The following AIM2 variants were observed in gnomAD, a reference collection of about 807,000 sequenced individuals.
AIM2 encodes absent in melanoma 2.
Under a neutral mutation model 27.7 loss-of-function variants are expected in AIM2, and 30 were observed. That is an observed-to-expected ratio of 1.08 (90% CI 0.81 to 1.47). The LOEUF (loss-of-function observed/expected upper bound fraction) is 1.47. AIM2 is among the 40% of genes most tolerant of loss of function. AIM2 has a pLI of 0.00. For missense variants in AIM2, 358 were observed against 411.3 expected (o/e 0.87, Z 1.12); for synonymous variants, 141 against 145.3 (o/e 0.97, Z 0.21).
intron 1 of AIM2, among the ~76,000 whole-genome samples, chr1:159,114,480 G>T (rs944824692): frequency 1.3e-5 from 2 of 152,156 alleles, no homozygotes; most frequent in African/African-American, 4.8e-5. Context: ...CAACACTTTG[G>T]GAGGCCAAGG....
At chr1:159,064,183 G>T (rs1025947471) in intron 4 of AIM2, among the ~76,000 whole-genome samples, 4 of 152,158 alleles carry the variant, frequency 2.6e-5, no homozygotes, top group African/African-American at 4.8e-5. Flanking sequence ...TCCCTACATT[G>T]TTCAAGGGAC....
intron 1 of AIM2, among the ~76,000 whole-genome samples, chr1:159,116,479 T>C (rs111762843): frequency 0.13 from 19,261 of 152,162 alleles, 1,507 homozygotes; most frequent in Non-Finnish European, 0.17. Flanking sequence ...GTGGCACATA[T>C]ACATCATGGA....
chr1:159,128,282 C>T (rs1647775176), intron 1 of AIM2, among the ~76,000 whole-genome samples: 2 of 151,790 alleles, frequency 1.3e-5, no homozygotes, highest in African/African-American at 4.8e-5. Context: ...CACACACACA[C>T]ACACACACCA....
intron 1 of AIM2, among the ~76,000 whole-genome samples, chr1:159,118,196 C>T (rs555837178): frequency 1.3e-5 from 2 of 152,326 alleles, no homozygotes; most frequent in Admixed American, 1.3e-4. Flanking sequence ...AAGGCTTACA[C>T]ACTGCATGTA....
intron 4 of AIM2, among the ~76,000 whole-genome samples, chr1:159,065,404 A>G (rs759922967): frequency 2.0e-5 from 3 of 152,058 alleles, no homozygotes; most frequent in Admixed American, 6.5e-5. Flanking sequence ...TTTTGACATT[A>G]AAGTTTACTT....
At chr1:159,112,906 C>T (rs1657606156) in intron 1 of AIM2, among the ~76,000 whole-genome samples, 1 of 150,472 alleles carries the variant, frequency 6.6e-6, no homozygotes, top group African/African-American at 2.5e-5. Flanking sequence ...GTTTTATACT[C>T]TGATGTTTCA....
chr1:159,125,134 G>A (rs1044475353), intron 1 of AIM2, among the ~76,000 whole-genome samples: 1 of 152,164 alleles, frequency 6.6e-6, no homozygotes, highest in Non-Finnish European at 1.5e-5. Context: ...AGAGTATGTT[G>A]TGAGTTGGTA....
intron 2 of AIM2, 110 bp from the exon 3 acceptor site, chr1:159,068,811 G>T: frequency 8.9e-7 from 1 of 1,118,692 alleles, no homozygotes; most frequent in Non-Finnish European, 1.2e-6. Context: ...ATATCTTCAA[G>T]AACAGCTAAT....
Position 159,075,663 on chromosome 1 carries a change from A to G in AIM2, c.-21+970T>C, listed in dbSNP as rs142715640. Among the ~76,000 whole-genome samples the G allele has an allele frequency of 4.2e-4, 64 of 152,204 alleles. 1 individual carries two copies. Among genetic ancestry groups the G allele is most frequent in the South Asian group, 2.1e-4 (1 of 4,820 alleles). On this transcript the variant is annotated intron_variant, in intron 1 of 5. Coordinates refer to ENST00000368130, the MANE Select transcript of AIM2 (RefSeq NM_004833.3). ...AATAGAGGTTTTGCTTTTGGAATAC[A>G]TGGAGAACCATGTATCAATAAGAAA...
At chr1:159,143,044 G>A (rs1015070166), upstream of AIM2, among the ~76,000 whole-genome samples, 3 of 152,156 alleles carry the variant, frequency 2.0e-5, no homozygotes, top group Non-Finnish European at 2.9e-5. Flanking sequence ...AATCATACAA[G>A]ATAGTTATTT....
intron 1 of AIM2, among the ~76,000 whole-genome samples, chr1:159,093,326 C>T (rs1040361429): frequency 9.2e-5 from 14 of 152,096 alleles, no homozygotes; most frequent in Admixed American, 5.9e-4. Flanking sequence ...AGTGCAGTGA[C>T]GTAGCCAGAA....
rs1647788763 is a variant in AIM2, at chr1:159,128,764, C to T, written c.-16+11667G>A. Among the ~76,000 whole-genome samples the T allele has an allele frequency of 2.0e-5, 3 of 152,164 alleles. 1 individual carries two copies. In the South Asian group the frequency reaches 6.2e-4, roughly 32 times the overall value. On this transcript the variant is annotated intron_variant, in intron 1 of 2. Coordinates refer to the AIM2 transcript ENST00000368129. ...TCATGACAATAAACTTCATCTGGTT[C>T]TCCACACTGCTCCACAAACTACATT... is the stretch of plus-strand genomic sequence containing the variant.
upstream of AIM2, among the ~76,000 whole-genome samples, chr1:159,145,462 G>T (rs1440871218): frequency 2.0e-5 from 3 of 152,098 alleles, no homozygotes; most frequent in African/African-American, 7.2e-5. Flanking sequence ...ACTTGAAGAG[G>T]GAAGAAATGA....
At chr1:159,117,299 G>T (rs1647384157) in intron 1 of AIM2, among the ~76,000 whole-genome samples, 1 of 152,144 alleles carries the variant, frequency 6.6e-6, no homozygotes, top group Non-Finnish European at 1.5e-5. Flanking sequence ...GCTTAAAAAA[G>T]ATCAGATTAG....
the AIM2 span, among the ~76,000 whole-genome samples, chr1:159,057,423 A>G: frequency 6.6e-6 from 1 of 152,212 alleles, no homozygotes; most frequent in Non-Finnish European, 1.5e-5. Flanking sequence ...GCTACAGTTA[A>G]TGCTTGCTAG....
chr1:159,075,592 C>T (rs1381897715), intron 1 of AIM2, among the ~76,000 whole-genome samples: 2 of 142,936 alleles, frequency 1.4e-5, no homozygotes, highest in East Asian at 2.1e-4. Context: ...TATGGCTATA[C>T]CTGCTATATA....
chr1:159,065,457 G>A (rs1164922498), intron 4 of AIM2, among the ~76,000 whole-genome samples: 1 of 151,878 alleles, frequency 6.6e-6, no homozygotes. Context: ...TCTTTCTTCT[G>A]TTTTCTTCAT....
At chr1:159,129,667 C>G (rs1377590447) in intron 1 of AIM2, among the ~76,000 whole-genome samples, 1 of 152,124 alleles carries the variant, frequency 6.6e-6, no homozygotes, top group African/African-American at 2.4e-5. Context: ...GGAATCATGC[C>G]CTCAGAACAG....
the AIM2 span, among the ~76,000 whole-genome samples, chr1:159,056,157 G>A: frequency 6.6e-6 from 1 of 152,154 alleles, no homozygotes; most frequent in East Asian, 1.9e-4. Flanking sequence ...GCGTTTATTG[G>A]GTGAAAAGGA....
Sources: gnomAD v4.1 joint callset for allele counts (sites outside exome capture counted in the v4.1 genomes callset) on GRCh38, gnomAD v4.1.1 for gene constraint, MANE v1.5 for transcripts, NCBI Gene and HGNC (gene_info 2026-07-23, HGNC 2026-07-21) for gene names.